Variants in SYN3 observed in about 807,000 individuals in gnomAD.
SYN3 encodes synapsin-3.
Under a neutral mutation model 65.8 loss-of-function variants are expected in SYN3, and 35 were observed. The ratio of observed to expected loss-of-function variants is 0.53; its 90% confidence interval spans 0.41 to 0.70. The LOEUF (loss-of-function observed/expected upper bound fraction) is 0.70. SYN3 is among the 30% of genes least tolerant of loss of function. The pLI, the probability that SYN3 is intolerant of heterozygous loss-of-function variation, is 0.00. For synonymous variants in SYN3, 270 were observed against 292.9 expected, an observed-to-expected ratio of 0.92 and a Z score of 0.80; for missense variants, 680 against 749.0, an observed-to-expected ratio of 0.91 and a Z score of 1.08.
chr22:32,924,879 C>T (rs1476354411), intron 4 of SYN3, among the ~76,000 whole-genome samples: 1 of 152,090 alleles, frequency 6.6e-6, no homozygotes, highest in African/African-American at 2.4e-5. Flanking sequence ...ATCGCTTGAG[C>T]TCAGGAGTTC....
At chr22:32,727,687 G>A (rs751168931) in intron 6 of SYN3, among the ~76,000 whole-genome samples, 1 of 152,214 alleles carries the variant, frequency 6.6e-6, no homozygotes, top group Non-Finnish European at 1.5e-5. Flanking sequence ...TGAGTGGCGT[G>A]AGATGGCATC....
At chr22:32,674,235 G>A (rs1335426161) in intron 6 of SYN3, among the ~76,000 whole-genome samples, 2 of 152,198 alleles carry the variant, frequency 1.3e-5, no homozygotes, top group South Asian at 2.1e-4. Flanking sequence ...CAGCTTTGGG[G>A]AAGCCATTTC....
Position 32,728,675 on chromosome 22 carries a change from A to T in SYN3, c.712-131939T>A, listed in dbSNP as rs533745726. On this transcript the variant is annotated intron_variant, in intron 6 of 13. Coordinates refer to ENST00000358763, the MANE Select transcript of SYN3 (RefSeq NM_003490.4). ...AAGTATGACACAGATGGGTGTGTTA[A>T]CAGGATGTGTTACTGAGTTGGTTAC... Among the ~76,000 whole-genome samples the T allele has an allele frequency of 2.0e-5, 3 of 152,324 alleles. No individual in the cohort carries two copies. In the South Asian group the frequency reaches 6.2e-4, roughly 32 times the overall value.
At chr22:33,053,232 G>C (rs745568004) in intron 1 of SYN3, among the ~76,000 whole-genome samples, 10 of 152,162 alleles carry the variant, frequency 6.6e-5, no homozygotes, top group Non-Finnish European at 1.3e-4. Context: ...AGACCAGCCT[G>C]ACCAACATGG....
intron 6 of SYN3, among the ~76,000 whole-genome samples, chr22:32,652,400 A>G (rs1310442852): frequency 6.6e-6 from 1 of 151,716 alleles, no homozygotes; most frequent in Non-Finnish European, 1.5e-5. Flanking sequence ...TTTGGAAAAA[A>G]AAAAGTTTTC....
intron 7 of SYN3, among the ~76,000 whole-genome samples, chr22:32,565,780 C>T (rs756944272): frequency 1.7e-4 from 26 of 151,826 alleles, no homozygotes; most frequent in Non-Finnish European, 3.1e-4. Context: ...GGCACGATCT[C>T]GGCTCACTGC....
chr22:32,950,287 T>C (rs2051251048), intron 3 of SYN3, among the ~76,000 whole-genome samples: 1 of 152,194 alleles, frequency 6.6e-6, no homozygotes, highest in Admixed American at 6.5e-5. Flanking sequence ...CCATAAGGTT[T>C]TTCTTACTGC....
At chr22:32,877,397 T>C (rs1308762061) in intron 4 of SYN3, among the ~76,000 whole-genome samples, 1 of 152,170 alleles carries the variant, frequency 6.6e-6, no homozygotes, top group African/African-American at 2.4e-5. Flanking sequence ...GATGGAACCA[T>C]GAGTCAAGCT....
intron 3 of SYN3, among the ~76,000 whole-genome samples, chr22:32,936,385 C>T (rs967590740): frequency 2.6e-5 from 4 of 152,156 alleles, no homozygotes; most frequent in African/African-American, 9.7e-5. Flanking sequence ...CAGAGTTCAT[C>T]AGTTTCACTG....
chr22:32,815,488 T>C (rs1318181824), intron 6 of SYN3, among the ~76,000 whole-genome samples: 1 of 152,228 alleles, frequency 6.6e-6, no homozygotes, highest in African/African-American at 2.4e-5. Flanking sequence ...AAGCATTATC[T>C]CCTTTAAACT....
rs2057670074 is a variant in SYN3, at chr22:32,509,655, G to GC, written c.*4036dup. Reference sequence around the variant, plus strand: ...GCGATCTCGGCTCACTGCAAGCTCCGCCTCCCGGGTTCACGCCATTCTCCT... The same window carrying GC: ...GCGATCTCGGCTCACTGCAAGCTCCGCCCTCCCGGGTTCACGCCATTCTCCT... On this transcript the variant is annotated 3_prime_UTR_variant, in exon 14 of 14. Coordinates refer to ENST00000358763, the MANE Select transcript of SYN3 (RefSeq NM_003490.4). Among the ~76,000 whole-genome samples, 1 of 151,852 alleles carries GC rather than the reference G, an allele frequency of 6.6e-6. No individual in the cohort carries two copies. The highest frequency in any genetic ancestry group is 6.6e-5 in the Admixed American group (1 of 15,236).
intron 6 of SYN3, among the ~76,000 whole-genome samples, chr22:32,840,276 A>G (rs114433104): frequency 0.011 from 1,649 of 152,278 alleles, 29 homozygotes; most frequent in African/African-American, 0.037. Context: ...ATTTTTACTT[A>G]ACGGAAAGAG....
At chr22:32,614,402 G>A (rs1229149731) in intron 6 of SYN3, among the ~76,000 whole-genome samples, 1 of 152,230 alleles carries the variant, frequency 6.6e-6, no homozygotes. Flanking sequence ...TCCTGGGCCT[G>A]GGGTCAGGCA....
At chr22:32,672,008 G>A (rs1370353569) in intron 6 of SYN3, among the ~76,000 whole-genome samples, 2 of 152,242 alleles carry the variant, frequency 1.3e-5, no homozygotes, top group African/African-American at 4.8e-5. Flanking sequence ...AGGGCTTTGA[G>A]CCCTAAATTC....
intron 3 of SYN3, among the ~76,000 whole-genome samples, chr22:32,977,004 G>A (rs965302942): frequency 8.7e-5 from 13 of 149,806 alleles, no homozygotes; most frequent in Admixed American, 1.3e-4. Context: ...TGGGGGGGGG[G>A]TTGCTTGTGT....
chr22:32,718,112 G>A (rs2061063548), intron 6 of SYN3, among the ~76,000 whole-genome samples: 1 of 152,110 alleles, frequency 6.6e-6, no homozygotes, highest in Non-Finnish European at 1.5e-5. Context: ...GTCTTTCCCA[G>A]CTGGAGCAGG....
chr22:32,544,492 A>G (rs993304291), intron 7 of SYN3, among the ~76,000 whole-genome samples: 1 of 152,130 alleles, frequency 6.6e-6, no homozygotes, highest in Non-Finnish European at 1.5e-5. Context: ...GATTTGGCCA[A>G]GGTCCCTTTT....
intron 6 of SYN3, among the ~76,000 whole-genome samples, chr22:32,663,964 T>A (rs957777962): frequency 8.5e-5 from 13 of 152,116 alleles, no homozygotes; most frequent in African/African-American, 4.8e-5. Context: ...GAAAAAGGGA[T>A]CCTGCAAATT....
chr22:32,621,361 C>T (rs1011497591), intron 6 of SYN3, among the ~76,000 whole-genome samples: 11 of 151,732 alleles, frequency 7.2e-5, no homozygotes, highest in African/African-American at 2.7e-4. Flanking sequence ...CTCATCACCC[C>T]AGTGACTTCA....
Sources: gnomAD v4.1 joint callset for allele counts (sites outside exome capture counted in the v4.1 genomes callset) on GRCh38, gnomAD v4.1.1 for gene constraint, MANE v1.5 for transcripts, NCBI Gene and HGNC (gene_info 2026-07-23, HGNC 2026-07-21) for gene names.